Variants in FBXL18 observed in about 807,000 individuals in gnomAD.
FBXL18 encodes F-box/LRR-repeat protein 18.
A neutral mutation model predicts 46.0 loss-of-function variants in FBXL18; 36 were observed. The ratio of observed to expected loss-of-function variants is 0.78; its 90% CI spans 0.60 to 1.03. The LOEUF (loss-of-function observed/expected upper bound fraction) is 1.03, where lower values mean the gene tolerates loss of function less well. Among genes scored for constraint, FBXL18 ranks in the 50% least tolerant of loss-of-function variants. The probability of loss-of-function intolerance (pLI) is 0.00; values close to 1 mark genes in which losing one functional copy is unlikely to be tolerated. For missense variants in FBXL18, 977 were observed against 1,004.1 expected, an observed-to-expected ratio of 0.97 and a Z score of 0.36; for synonymous variants, 557 against 465.3, an observed-to-expected ratio of 1.20 and a Z score of -2.54.
chr7:5,508,644 TC>T (rs1184564971), intron 1 of FBXL18, among the ~76,000 whole-genome samples: 1 of 151,330 alleles, frequency 6.6e-6, no homozygotes, highest in Non-Finnish European at 1.5e-5. Context: ...AAAATCAGAT[TC>T]CTGGAACCCA....
At chr7:5,462,564 C>T (rs1011644325) in intron 4 of FBXL18, among the ~76,000 whole-genome samples, 4 of 152,112 alleles carry the variant, frequency 2.6e-5, no homozygotes, top group East Asian at 1.9e-4. Context: ...GGTTGAGAGA[C>T]GATGTTTTCA....
chr7:5,466,177 AAAAAG>A (rs1005464271), intron 4 of FBXL18, among the ~76,000 whole-genome samples: 9 of 151,996 alleles, frequency 5.9e-5, no homozygotes, highest in Admixed American at 2.0e-4. Context: ...TTTAAAAAAA[AAAAAG>A]AAAAGAAAAG....
chr7:5,493,762 G>A (rs903990830), intron 3 of FBXL18, among the ~76,000 whole-genome samples: 3 of 151,878 alleles, frequency 2.0e-5, no homozygotes, highest in African/African-American at 7.2e-5. Flanking sequence ...CAATCCTCCT[G>A]CCTCAGCCTC....
chr7:5,501,933 C>T lies in FBXL18; in HGVS notation c.336G>A (p.Val112=). Residue 112 remains valine (V), a synonymous_variant, in exon 3 of 5, where the codon GTG becomes GTA. Transcript: ENST00000382368. The part of the protein sequence containing the change: ...AGCYWLPGST[V]EHVARCRSLV... ...GGCTGCGGCAGCGGGCCACGTGTTC[C>T]ACGGTGGAGCCAGGCAGCCAGTAGC... 6.2e-7 allele frequency: 1 copy of T among 1,604,362 alleles called. No individual in the cohort carries two copies. The highest frequency in any genetic ancestry group is 8.5e-7 in the Non-Finnish European group (1 of 1,176,672).
In FBXL18 at chr7:5,500,757, G is replaced by A. The variant is rs779205592; in HGVS notation, c.1512C>T (p.Pro504=). Residue 504 remains proline (P), a synonymous_variant, in exon 3 of 5, where the codon CCC becomes CCT. Coordinates refer to ENST00000382368, the MANE Select transcript of FBXL18 (RefSeq NM_024963.6). ...AGGGTGGGAGCGAGTTGCGGATGGC[G>A]GGCTCGTTGCGGGGCATGGCGGAGG... ...NFSSAMPRNE[P]AIRNSLPPCS... is the part of the protein sequence containing the mutation. The A allele has an allele frequency of 6.2e-6, 10 of 1,612,430 alleles. No homozygotes were observed. The Admixed American group carries it at 1.7e-4, about 27-fold the overall frequency.
chr7:5,489,214 G>T (rs775498621), intron 4 of FBXL18: 1 of 517,038 alleles, frequency 1.9e-6, no homozygotes, highest in Admixed American at 2.0e-5. Flanking sequence ...ACTGACACAA[G>T]AGGACTCCAC....
intron 1 of FBXL18, among the ~76,000 whole-genome samples, chr7:5,509,815 C>T (rs1047721446): frequency 6.6e-6 from 1 of 151,836 alleles, no homozygotes; most frequent in African/African-American, 2.4e-5. Context: ...CCAGACAAGA[C>T]GAGAAACTGG....
rs1413028685 is a variant in FBXL18, at chr7:5,455,595, C to T, written c.2001-7752G>A. On this transcript the variant is annotated intron_variant and NMD_transcript_variant, in intron 4 of 6. Transcript: ENST00000415009. This position sits in a 1 kb window ranked among gnomAD's most constrained non-coding sequence, Gnocchi z 4.6. ...GGAATGGGCTCCTATTATGGGTTTG[C>T]ATTCCCATGGCGCCAAGTCGGTCCT... Among the ~76,000 whole-genome samples the T allele has an allele frequency of 6.6e-6, 1 of 152,156 alleles. No homozygotes were observed. Among genetic ancestry groups the T allele is most frequent in the Non-Finnish European group, 1.5e-5 (1 of 68,040 alleles).
intron 3 of FBXL18, among the ~76,000 whole-genome samples, chr7:5,494,356 T>C (rs943270299): frequency 1.3e-5 from 2 of 151,940 alleles, no homozygotes; most frequent in African/African-American, 4.8e-5. Flanking sequence ...GGAGAATTGC[T>C]TGGAGGCAGA....
chr7:5,500,578 G>A lies in FBXL18; in HGVS notation c.1691C>T (p.Ser564Leu). Reference sequence around the variant, plus strand: ...CCCCATCATGCCCAGGTTGGCCAGCGACAGGGACCGCAACTGCTGGCACTG... The same window carrying A: ...CCCCATCATGCCCAGGTTGGCCAGCAACAGGGACCGCAACTGCTGGCACTG... ...GLQCQQLRSL[S>L]LANLGMMGKV... is the part of the protein sequence containing the mutation. Residue 564 changes from serine (S) to leucine (L), a missense_variant, in exon 3 of 5, where the codon TCG (serine) becomes TTG (leucine). By Grantham distance (145) the Ser-to-Leu change is moderately radical (BLOSUM62 -2). Transcript: ENST00000382368. 8 of 1,613,530 alleles carry A rather than the reference G, an allele frequency of 5.0e-6. No homozygotes were observed. Among genetic ancestry groups the A allele is most frequent in the Non-Finnish European group, 5.9e-6 (7 of 1,179,894 alleles).
intron 1 of FBXL18, among the ~76,000 whole-genome samples, chr7:5,506,189 G>A (rs1201275551): frequency 6.6e-6 from 1 of 152,054 alleles, no homozygotes; most frequent in Non-Finnish European, 1.5e-5. Flanking sequence ...TTGAACTCCT[G>A]GGCTCCAGCC....
intron 1 of FBXL18, among the ~76,000 whole-genome samples, chr7:5,512,513 G>A (rs556893882): frequency 6.6e-6 from 1 of 152,018 alleles, no homozygotes; most frequent in East Asian, 1.9e-4. Context: ...TACTTGGAAG[G>A]CTGAGAAGGG....
At chr7:5,468,963 C>T (rs1783386251) in intron 4 of FBXL18, among the ~76,000 whole-genome samples, 2 of 145,504 alleles carry the variant, frequency 1.4e-5, no homozygotes, top group South Asian at 2.3e-4. Context: ...TAATCCAGTC[C>T]CTTTGTTTTG....
intron 3 of FBXL18, among the ~76,000 whole-genome samples, chr7:5,493,154 G>C (rs1323974779): frequency 6.6e-5 from 10 of 152,152 alleles, no homozygotes; most frequent in Admixed American, 6.5e-4. Context: ...GGGCGACATA[G>C]TGAGAGCCCA....
intron 4 of FBXL18, among the ~76,000 whole-genome samples, chr7:5,463,184 C>A (rs1195464209): frequency 6.6e-6 from 1 of 150,740 alleles, no homozygotes; most frequent in Non-Finnish European, 1.5e-5. Context: ...ATATTGGAAC[C>A]CTCAAATATT....
rs1160611603 is a variant in FBXL18, at chr7:5,491,228, C to A, written c.2000+3G>T. On this transcript the variant is annotated splice_donor_region_variant and intron_variant, in intron 4 of 4. Transcript: ENST00000382368. ...GAAGCTGTACGCAACCCACATCACTCACCTGCGGAGAAGCGACTGCTGCAG... is the reference window on the plus strand; with the variant it reads ...GAAGCTGTACGCAACCCACATCACTAACCTGCGGAGAAGCGACTGCTGCAG... 1 of 1,608,356 alleles carries A rather than the reference C, an allele frequency of 6.2e-7. No homozygotes were observed.
rs1465808848 is a variant in FBXL18, at chr7:5,475,932, G to C, written c.*5843C>G. The C allele has an allele frequency of 2.0e-5, 3 of 152,334 alleles. No individual in the cohort carries two copies. The highest frequency in any genetic ancestry group is 4.8e-5 in the African/African-American group (2 of 41,462). The allele number at this position is 152,334 out of a possible 1,614,324, so 9.4% of individuals were successfully genotyped here. A position where few individuals can be genotyped will look rare whatever the true frequency, so the allele number is the denominator to read the frequency against. On this transcript the variant is annotated 3_prime_UTR_variant, in exon 5 of 5. Transcript: ENST00000382368. The surrounding 1 kb of genome is among the most constrained non-coding windows in gnomAD (Gnocchi z 4.2). ...CAGGCATCACCGTGAGACGCCACGGGGGCAGGTCAGCGGGACGGGGACAGG... is the reference window on the plus strand; with the variant it reads ...CAGGCATCACCGTGAGACGCCACGGCGGCAGGTCAGCGGGACGGGGACAGG...
At chr7:5,475,253 C>A (rs898810186), downstream of FBXL18, among the ~76,000 whole-genome samples, 1 of 151,892 alleles carries the variant, frequency 6.6e-6, no homozygotes. The surrounding 1 kb of genome is among the most constrained non-coding windows in gnomAD (Gnocchi z 4.2). Context: ...ACCCAGGAGG[C>A]GGAGGTAGCA....
chr7:5,499,909 T>C (rs4075745), intron 3 of FBXL18, among the ~76,000 whole-genome samples: 1 of 150,716 alleles, frequency 6.6e-6, no homozygotes, highest in Admixed American at 6.6e-5. Flanking sequence ...ATTTTAAAAA[T>C]ATATATATAG....
Sources: gnomAD v4.1 joint callset for allele counts (sites outside exome capture counted in the v4.1 genomes callset) on GRCh38, gnomAD v4.1.1 for gene constraint, Gnocchi (gnomAD v3.1) non-coding constraint, MANE v1.5 for transcripts, NCBI Gene and HGNC (gene_info 2026-07-23, HGNC 2026-07-21) for gene names.